Variants in DGLUCY observed in about 807,000 individuals in gnomAD.
DGLUCY encodes D-glutamate cyclase, mitochondrial.
A neutral mutation model predicts 58.5 loss-of-function variants in DGLUCY; 58 were observed. The ratio of observed to expected loss-of-function variants is 0.99; its 90% CI spans 0.80 to 1.23. The LOEUF (loss-of-function observed/expected upper bound fraction) is 1.23. Ranked by LOEUF, DGLUCY falls within the 50% of genes most tolerant of loss-of-function variation. The pLI is 0.00. For missense variants in DGLUCY, 779 were observed against 784.7 expected (o/e 0.99, Z 0.09); for synonymous variants, 325 against 314.1 (o/e 1.03, Z -0.37).
chr14:91,092,650 C>T (rs532034004), intron 1 of DGLUCY, among the ~76,000 whole-genome samples: 1 of 152,280 alleles, frequency 6.6e-6, no homozygotes, highest in South Asian at 2.1e-4. Context: ...TTCATGAACT[C>T]CTTGCTGTAA....
chr14:91,202,608 C>T (rs565483421), intron 11 of DGLUCY, among the ~76,000 whole-genome samples: 10 of 152,218 alleles, frequency 6.6e-5, no homozygotes, highest in African/African-American at 1.4e-4. Context: ...CCTGTCCCTC[C>T]GGCTGGGCAG....
intron 12 of DGLUCY, 80 bp downstream of exon 12, chr14:91,204,905 CTCT>C (rs756180610): frequency 1.7e-5 from 27 of 1,583,964 alleles, no homozygotes; most frequent in African/African-American, 1.2e-4. Flanking sequence ...AGGCCAGAAG[CTCT>C]TCTTCTCTGC....
chr14:91,196,343 T>A, intron 9 of DGLUCY, 32 bp from the exon 10 acceptor site: 1 of 1,587,560 alleles, frequency 6.3e-7, no homozygotes, highest in Non-Finnish European at 8.6e-7. Context: ...ACACTAGAGC[T>A]GATGTGTGCC....
At chr14:91,206,652 G>A (rs965921443) in intron 12 of DGLUCY, among the ~76,000 whole-genome samples, 26 of 152,040 alleles carry the variant, frequency 1.7e-4, no homozygotes, top group African/African-American at 6.0e-4. Context: ...CAAAGTGCTG[G>A]GATTACAGGC....
chr14:91,183,768 C>T (rs1252095293), intron 8 of DGLUCY, among the ~76,000 whole-genome samples: 1 of 152,124 alleles, frequency 6.6e-6, no homozygotes, highest in African/African-American at 2.4e-5. Flanking sequence ...GAACTTGAAC[C>T]CATGTCTGCT....
At chr14:91,064,635 A>AG (rs1362489321) in intron 1 of DGLUCY, among the ~76,000 whole-genome samples, 2 of 151,748 alleles carry the variant, frequency 1.3e-5, no homozygotes, top group Admixed American at 6.6e-5. Flanking sequence ...AAAAAAAAAA[A>AG]AAAAAAAAGA....
rs190201809 is a variant in DGLUCY, at chr14:91,160,261, C to T, written c.-29-5C>T. 722 of 1,549,496 alleles carry T rather than the reference C, an allele frequency of 4.7e-4. 7 individuals carry two copies. The African/African-American group carries it at 9.0e-3, about 19-fold the overall frequency. Reference sequence around the variant, plus strand: ...TAATTTGTTCCCTTTCCTTCCCTCACCCAGATTCTCTGCTACTTATTCAAG... The same window carrying T: ...TAATTTGTTCCCTTTCCTTCCCTCATCCAGATTCTCTGCTACTTATTCAAG... On this transcript the variant is annotated splice_region_variant and splice_polypyrimidine_tract_variant and intron_variant, in intron 2 of 13. Coordinates refer to ENST00000256324, the MANE Select transcript of DGLUCY (RefSeq NM_001102368.3).
intron 1 of DGLUCY, among the ~76,000 whole-genome samples, chr14:91,119,076 C>G (rs1460084366): frequency 6.6e-6 from 1 of 152,054 alleles, no homozygotes; most frequent in East Asian, 1.9e-4. Flanking sequence ...AAAAAAGATC[C>G]CAAAATACAT....
chr14:91,142,843 ACAC>A (rs2046788935), intron 1 of DGLUCY, among the ~76,000 whole-genome samples: 2 of 8,322 alleles, frequency 2.4e-4, no homozygotes, highest in African/African-American at 4.9e-4. Context: ...TCTACTAAAC[ACAC>A]ACACACACAC....
intron 1 of DGLUCY, among the ~76,000 whole-genome samples, chr14:91,087,026 G>C (rs1422603748): frequency 1.3e-5 from 2 of 152,162 alleles, no homozygotes; most frequent in Non-Finnish European, 2.9e-5. Flanking sequence ...TCCAAATCAG[G>C]GCTGCACATG....
intron 10 of DGLUCY, among the ~76,000 whole-genome samples, chr14:91,196,744 T>TAAAA (rs146566022): frequency 1.1e-5 from 1 of 94,870 alleles, no homozygotes; most frequent in African/African-American, 4.1e-5. Flanking sequence ...GACATAGCAC[T>TAAAA]AAAAAAAAAA....
At chr14:91,161,747 G>C (rs1023267043) in intron 3 of DGLUCY, among the ~76,000 whole-genome samples, 1 of 151,942 alleles carries the variant, frequency 6.6e-6, no homozygotes, top group Admixed American at 6.6e-5. Context: ...GGCTACAATG[G>C]GGTGTGAATA....
chr14:91,116,601 A>G (rs892546541), intron 1 of DGLUCY, among the ~76,000 whole-genome samples: 5 of 152,176 alleles, frequency 3.3e-5, no homozygotes, highest in East Asian at 1.9e-4. Context: ...GCAAGAAGCA[A>G]CTGGGGGCAA....
intron 2 of DGLUCY, among the ~76,000 whole-genome samples, chr14:91,159,428 C>T: frequency 6.6e-6 from 1 of 152,146 alleles, no homozygotes; most frequent in Non-Finnish European, 1.5e-5. Context: ...GCCTGGGAGA[C>T]AGAGTGGCGA....
chr14:91,087,422 T>G (rs2044240774), intron 1 of DGLUCY, among the ~76,000 whole-genome samples: 1 of 152,198 alleles, frequency 6.6e-6, no homozygotes, highest in African/African-American at 2.4e-5. Flanking sequence ...CAAAATTTAT[T>G]CAAAGACCTG....
At chr14:91,215,251 G>C (rs1243676633) in intron 12 of DGLUCY, among the ~76,000 whole-genome samples, 154 bp from the exon 13 acceptor site, 1 of 152,152 alleles carries the variant, frequency 6.6e-6, no homozygotes, top group Non-Finnish European at 1.5e-5. Flanking sequence ...TTCTTGGCTG[G>C]GGCCAAAGAA....
chr14:91,135,424 C>T (rs1489161345), intron 1 of DGLUCY, among the ~76,000 whole-genome samples: 3 of 152,124 alleles, frequency 2.0e-5, no homozygotes, highest in East Asian at 1.9e-4. Flanking sequence ...CCAAAGCGGG[C>T]GGATCACCTG....
At chr14:91,195,765 G>A (rs1318366218) in intron 9 of DGLUCY, among the ~76,000 whole-genome samples, 1 of 147,430 alleles carries the variant, frequency 6.8e-6, no homozygotes, top group East Asian at 2.0e-4. Flanking sequence ...CTGCCTCCCA[G>A]GTTCAAGCAA....
intron 1 of DGLUCY, among the ~76,000 whole-genome samples, chr14:91,097,441 TG>T (rs2044414083): frequency 2.6e-5 from 4 of 152,156 alleles, no homozygotes; most frequent in Admixed American, 1.3e-4. Flanking sequence ...TTTAAAATTG[TG>T]GTGAGGTTGC....
Sources: allele counts gnomAD v4.1 joint callset (sites outside exome capture counted in the v4.1 genomes callset), GRCh38; gene constraint gnomAD v4.1.1; transcripts MANE v1.5; gene names NCBI Gene and HGNC (gene_info 2026-07-23, HGNC 2026-07-21).